ARHGEF33: variants seen among roughly 807,000 people sequenced by gnomAD.
ARHGEF33 encodes Rho guanine nucleotide exchange factor 33, also known as DH and coiled-coil domain-containing protein ENSP00000381780.
Under a neutral mutation model 101.9 loss-of-function variants are expected in ARHGEF33, and 72 were observed. The observed-to-expected ratio is 0.71, with a 90% CI of 0.58 to 0.86. The LOEUF (loss-of-function observed/expected upper bound fraction) is 0.86, where lower values mean the gene tolerates loss of function less well. Among genes scored for constraint, ARHGEF33 ranks in the 40% least tolerant of loss-of-function variants. The pLI, the probability that ARHGEF33 is intolerant of heterozygous loss-of-function variation, is 0.00. For missense variants in ARHGEF33, 1,169 were observed against 1,111.3 expected (o/e 1.05, Z -0.74); for synonymous variants, 499 against 442.5 (o/e 1.13, Z -1.60).
chr2:38,908,748 GT>G (rs1278238396), intron 2 of ARHGEF33, among the ~76,000 whole-genome samples: 7 of 152,316 alleles, frequency 4.6e-5, no homozygotes, highest in African/African-American at 1.7e-4. Flanking sequence ...ACTACAGTTA[GT>G]TTTGGTGTGG....
chr2:38,918,272 G>A (rs902009689), intron 2 of ARHGEF33, among the ~76,000 whole-genome samples: 1 of 152,228 alleles, frequency 6.6e-6, no homozygotes, highest in African/African-American at 2.4e-5. Flanking sequence ...TGCCACTGCT[G>A]TCTTAGAAGG....
rs1200519418 is a variant in ARHGEF33, at chr2:38,975,160, T to C, written c.*1317T>C. ...AAATAGGCAAAGGTTCACATGTAAG[T>C]GTTGCAAGTTTTCTTCTCCTTGTCT... On this transcript the variant is annotated 3_prime_UTR_variant, in exon 18 of 18. Transcript: ENST00000409978. 2 of 152,208 alleles carry C rather than the reference T, an allele frequency of 1.3e-5. No individual in the cohort carries two copies. The highest frequency in any genetic ancestry group is 4.8e-5 in the African/African-American group (2 of 41,446). The allele number at this position is 152,208 out of a possible 1,614,324, so 9.4% of individuals were successfully genotyped here.
At position 38,955,830 on chromosome 2, in the gene ARHGEF33, C is replaced by T. The variant is rs534738366; in HGVS notation, c.1222-1069C>T. Among the ~76,000 whole-genome samples the T allele has an allele frequency of 3.2e-4, 48 of 152,098 alleles. 1 individual carries two copies. Among genetic ancestry groups the T allele is most frequent in the African/African-American group, 1.2e-3 (48 of 41,478 alleles). ...TAGCTGGGACTACAGGCGCCCACCACCACACCCGGCTAATTTTTGTGTTTT... is the reference window on the plus strand; with the variant it reads ...TAGCTGGGACTACAGGCGCCCACCATCACACCCGGCTAATTTTTGTGTTTT... On this transcript the variant is annotated intron_variant, in intron 13 of 17. Coordinates refer to ENST00000409978, the MANE Select transcript of ARHGEF33 (RefSeq NM_001145451.5).
Position 38,966,089 on chromosome 2 carries a change from C to T in ARHGEF33, c.2427C>T (p.Pro809=). ...AAACATCTTTCAGCGATCAAAATCC[C>T]AGGCAAGACCAGAAGGGGGGCTTTC... ...SEQTSFSDQN[P]RQDQKGGFRS... The change falls in exon 17 of 18, where the codon CCC becomes CCT. Residue 809 remains proline, a synonymous_variant. Transcript: ENST00000409978. 1 of 1,551,694 alleles carries T rather than the reference C, an allele frequency of 6.4e-7. No individual in the cohort carries two copies. The highest frequency in any genetic ancestry group is 8.7e-7 in the Non-Finnish European group (1 of 1,146,990).
chr2:38,962,817 A>G (rs897216120), intron 16 of ARHGEF33, among the ~76,000 whole-genome samples: 8 of 122,300 alleles, frequency 6.5e-5, no homozygotes, highest in African/African-American at 6.4e-5. Flanking sequence ...GATCAAGACC[A>G]TCCTGGTCAA....
chr2:38,922,876 G>A (rs1301616107), intron 4 of ARHGEF33, among the ~76,000 whole-genome samples: 1 of 152,102 alleles, frequency 6.6e-6, no homozygotes, highest in African/African-American at 2.4e-5. Context: ...GGTTGTTGTG[G>A]GCAGGGGGAC....
Position 38,960,353 on chromosome 2 carries a change from C to T in ARHGEF33, c.2048C>T (p.Pro683Leu), listed in dbSNP as rs1373987493. The T allele has an allele frequency of 5.2e-6, 8 of 1,531,442 alleles. No homozygotes were observed. The South Asian group carries it at 8.4e-5, about 16-fold the overall frequency. The allele number at this position is 1,531,442 out of a possible 1,614,324, so 94.9% of individuals were successfully genotyped here. ...CCGCTGCCCAAGAGCGCTACGTCGCCGGCGGGCAGCAGCAGCGCCTACAAA... is the reference window on the plus strand; with the variant it reads ...CCGCTGCCCAAGAGCGCTACGTCGCTGGCGGGCAGCAGCAGCGCCTACAAA... ...LQPLPKSATS[P>L]AGSSSAYKLE... Residue 683 changes from proline (P) to leucine (L), a missense_variant, in exon 16 of 18, where the codon CCG (proline) becomes CTG (leucine). Coordinates refer to ENST00000409978, the MANE Select transcript of ARHGEF33 (RefSeq NM_001145451.5).
chr2:38,941,993 A>G (rs1667321163), intron 9 of ARHGEF33, among the ~76,000 whole-genome samples: 1 of 117,510 alleles, frequency 8.5e-6, no homozygotes, highest in Admixed American at 1.0e-4. Flanking sequence ...CTCTGGAAAT[A>G]CATGTCTTGG....
intron 10 of ARHGEF33, among the ~76,000 whole-genome samples, chr2:38,950,573 T>C (rs1252078815): frequency 2.6e-5 from 4 of 152,170 alleles, no homozygotes; most frequent in Admixed American, 2.6e-4. Context: ...TGCCTTAGCC[T>C]CCCAAGTAGC....
At position 38,957,053 on chromosome 2, in the gene ARHGEF33, G is replaced by C; in HGVS notation, c.1370+6G>C. The C allele has an allele frequency of 1.3e-6, 2 of 1,551,686 alleles. No individual in the cohort carries two copies. The highest frequency in any genetic ancestry group is 1.2e-5 in the South Asian group (1 of 84,058). ...AAACGGAAAAAGCTCAAGAAGTAAG[G>C]TTCTGATGGTGTGGTCTAGAGGGTC... On this transcript the variant is annotated splice_donor_region_variant and intron_variant, in intron 14 of 17. Coordinates refer to ENST00000409978, the MANE Select transcript of ARHGEF33 (RefSeq NM_001145451.5).
intron 2 of ARHGEF33, among the ~76,000 whole-genome samples, chr2:38,903,668 A>G (rs2124981450): frequency 6.6e-6 from 1 of 152,314 alleles, no homozygotes; most frequent in East Asian, 1.9e-4. Context: ...AGAATCTAAT[A>G]TATATAACAA....
rs373950674 is a variant in ARHGEF33 at position 38,956,949 on chromosome 2, G to A, written c.1272G>A (p.Leu424=). The change falls in exon 14 of 18, where the codon CTG becomes CTA. Residue 424 remains leucine (L), a synonymous_variant. Coordinates refer to ENST00000409978, the MANE Select transcript of ARHGEF33 (RefSeq NM_001145451.5). ...EQEHPDYYLL[L]VCVQRLRVFI... ...AGCACCCTGACTATTATCTACTACT[G>A]GTGTGTGTCCAGCGCCTCCGAGTAT... The A allele has an allele frequency of 2.0e-5, 31 of 1,552,188 alleles. No individual in the cohort carries two copies. The highest frequency in any genetic ancestry group is 2.5e-5 in the Non-Finnish European group (29 of 1,147,140).
intron 2 of ARHGEF33, among the ~76,000 whole-genome samples, chr2:38,915,564 G>A (rs904067986): frequency 6.6e-6 from 1 of 150,668 alleles, no homozygotes; most frequent in Admixed American, 6.6e-5. Context: ...GTAGAGTGGG[G>A]TTTCACCATG....
chr2:38,889,952 T>C lies in ARHGEF33; in HGVS notation c.-193T>C. 1 of 470,868 alleles carries C rather than the reference T, an allele frequency of 2.1e-6. No individual in the cohort carries two copies. Among genetic ancestry groups the C allele is most frequent in the Non-Finnish European group, 4.4e-6 (1 of 226,912 alleles). 29.2% of individuals were successfully genotyped at this position (470,868 alleles called of 1,614,324 possible). On this transcript the variant is annotated 5_prime_UTR_variant, in exon 1 of 18. Coordinates refer to ENST00000409978, the MANE Select transcript of ARHGEF33 (RefSeq NM_001145451.5). Reference sequence around the variant, plus strand: ...AATTCAGAACCCAGATAAGCCTTGATCTGAGGATGATATAACCACCGCAGG... The same window carrying C: ...AATTCAGAACCCAGATAAGCCTTGACCTGAGGATGATATAACCACCGCAGG...
At position 38,960,045 on chromosome 2, in the gene ARHGEF33, C is replaced by G. The variant is rs904072884; in HGVS notation, c.1740C>G (p.Phe580Leu). 1.9e-6 allele frequency: 3 copies of G among 1,544,120 alleles called. No homozygotes were observed. The highest frequency in any genetic ancestry group is 2.6e-6 in the Non-Finnish European group (3 of 1,143,184). The change falls in exon 16 of 18, where the codon TTC (phenylalanine) becomes TTG (leucine). Residue 580 changes from phenylalanine to leucine, a missense_variant. Physicochemically the swap from Phe to Leu is conservative, Grantham distance 22 (BLOSUM62 0). Transcript: ENST00000409978. ...GPLQAIPEMDFESSPAEPLGN... is the reference protein window; with the variant it reads ...GPLQAIPEMDLESSPAEPLGN... The stretch of plus-strand genomic sequence containing the variant: ...TGCAGGCCATCCCGGAGATGGACTT[C>G]GAGTCCTCTCCGGCGGAGCCGCTGG...
intron 2 of ARHGEF33, among the ~76,000 whole-genome samples, chr2:38,910,994 G>A (rs1349614426): frequency 2.6e-5 from 4 of 152,026 alleles, no homozygotes; most frequent in Non-Finnish European, 5.9e-5. Context: ...GGCTTCCTTG[G>A]GTATAAAATG....
At chr2:38,911,316 CCA>C (rs1185453694) in intron 2 of ARHGEF33, among the ~76,000 whole-genome samples, 4 of 152,138 alleles carry the variant, frequency 2.6e-5, no homozygotes, top group Non-Finnish European at 5.9e-5. Context: ...TAAAAAGTTC[CCA>C]TTCTACTAAA....
intron 4 of ARHGEF33, among the ~76,000 whole-genome samples, chr2:38,927,669 C>T (rs1479553641): frequency 6.6e-6 from 1 of 152,214 alleles, no homozygotes; most frequent in Non-Finnish European, 1.5e-5. Context: ...GCACTCCAGC[C>T]TGGGCGACAG....
At chr2:38,925,153 C>A (rs1375927721) in intron 4 of ARHGEF33, among the ~76,000 whole-genome samples, 1 of 151,998 alleles carries the variant, frequency 6.6e-6, no homozygotes, top group African/African-American at 2.4e-5. Flanking sequence ...ATGCATAGAA[C>A]AAAATAGAAG....
Sources: allele counts gnomAD v4.1 joint callset (sites outside exome capture counted in the v4.1 genomes callset), GRCh38; gene constraint gnomAD v4.1.1; transcripts MANE v1.5; gene names NCBI Gene and HGNC (gene_info 2026-07-23, HGNC 2026-07-21).